Variants in ZRANB3 observed in about 807,000 individuals in gnomAD.
ZRANB3 encodes DNA annealing helicase and endonuclease ZRANB3.
ZRANB3 carries 125 observed loss-of-function variants against 133.8 expected under a neutral mutation model. The ratio of observed to expected loss-of-function variants is 0.93; its 90% CI spans 0.81 to 1.08. The LOEUF is 1.08. Among genes scored for constraint, ZRANB3 ranks in the 50% least tolerant of loss-of-function variants. The pLI is 0.00. For synonymous variants in ZRANB3, 387 were observed against 432.7 expected (o/e 0.89, Z 1.31); for missense variants, 1,229 against 1,275.5 (o/e 0.96, Z 0.56).
intron 17 of ZRANB3, among the ~76,000 whole-genome samples, chr2:135,213,208 G>A (rs559884265): frequency 3.9e-5 from 6 of 152,192 alleles, no homozygotes; most frequent in African/African-American, 1.2e-4. Context: ...CAATCTGAAA[G>A]CTGTGCAAAA....
intron 2 of ZRANB3, among the ~76,000 whole-genome samples, chr2:135,446,788 T>G (rs1463696503): frequency 1.4e-4 from 22 of 152,286 alleles, no homozygotes; most frequent in Non-Finnish European, 1.5e-4. Flanking sequence ...ATCAATAGAT[T>G]GTAGGTCCTG....
intron 2 of ZRANB3, among the ~76,000 whole-genome samples, chr2:135,481,637 A>C (rs1014413285): frequency 6.7e-6 from 1 of 149,818 alleles, no homozygotes; most frequent in Non-Finnish European, 1.5e-5. Context: ...CCATTTGTCA[A>C]TTTTGGCTTT....
chr2:135,306,683 G>A (rs991652528), intron 8 of ZRANB3, among the ~76,000 whole-genome samples: 11 of 151,514 alleles, frequency 7.3e-5, no homozygotes, highest in African/African-American at 2.7e-4. Flanking sequence ...CCGATTCCTG[G>A]GTTCAAGCAA....
rs145032146 is a variant in ZRANB3, at chr2:135,531,130, G to A, written c.-11C>T. ...GATCTGGTTGTCTTTTAAATACCTC[G>A]AGTCAGTAAAAACTCACGAAACTCC... On this transcript the variant is annotated 5_prime_UTR_variant, in exon 1 of 21. Transcript: ENST00000264159. The A allele has an allele frequency of 5.9e-5, 9 of 152,172 alleles. No individual in the cohort carries two copies. The highest frequency in any genetic ancestry group is 2.2e-4 in the African/African-American group (9 of 41,502). The allele number at this position is 152,172 out of a possible 1,614,324, so 9.4% of individuals were successfully genotyped here. A position where few individuals can be genotyped will look rare whatever the true frequency, so the allele number is the denominator to read the frequency against.
intron 1 of ZRANB3, among the ~76,000 whole-genome samples, chr2:135,518,781 T>C (rs1693801941): frequency 6.6e-6 from 1 of 152,188 alleles, no homozygotes; most frequent in Non-Finnish European, 1.5e-5. Flanking sequence ...TGGCTATAGA[T>C]GTCATATGCC....
intron 2 of ZRANB3, among the ~76,000 whole-genome samples, chr2:135,468,077 C>T (rs960316760): frequency 2.0e-5 from 3 of 152,148 alleles, no homozygotes; most frequent in African/African-American, 7.2e-5. Flanking sequence ...TTATTACCTG[C>T]TACTCACTTT....
Position 135,199,579 on chromosome 2 carries a change from C to G in ZRANB3, c.*763G>C, listed in dbSNP as rs975794932. The G allele has an allele frequency of 5.3e-5, 8 of 152,190 alleles. No individual in the cohort carries two copies. The highest frequency in any genetic ancestry group is 1.2e-4 in the Non-Finnish European group (8 of 68,090). The allele number at this position is 152,190 out of a possible 1,614,324, so 9.4% of individuals were successfully genotyped here. On this transcript the variant is annotated 3_prime_UTR_variant, in exon 21 of 21. Coordinates refer to ENST00000264159, the MANE Select transcript of ZRANB3 (RefSeq NM_032143.4). ...CCTCCCAAAGTGCTGGGATTACATG[C>G]GTGAGCCACCGCGCCCAGCCAACAG...
At chr2:135,399,052 A>C (rs1687624648) in intron 2 of ZRANB3, among the ~76,000 whole-genome samples, 1 of 152,188 alleles carries the variant, frequency 6.6e-6, no homozygotes, top group African/African-American at 2.4e-5. Flanking sequence ...AACTACGCCT[A>C]GGTTAGATGA....
At chr2:135,418,571 C>G (rs1273141776) in intron 2 of ZRANB3, among the ~76,000 whole-genome samples, 1 of 152,136 alleles carries the variant, frequency 6.6e-6, no homozygotes, top group Non-Finnish European at 1.5e-5. Flanking sequence ...AAGTTTGGAT[C>G]TGGAGCATAT....
chr2:135,306,543 C>T (rs531778750), intron 8 of ZRANB3, among the ~76,000 whole-genome samples: 66 of 150,744 alleles, frequency 4.4e-4, no homozygotes, highest in Non-Finnish European at 8.4e-4. Context: ...CCACCCGTCT[C>T]GGCCTCCCAA....
chr2:135,243,370 C>T (rs1482251873), intron 12 of ZRANB3, among the ~76,000 whole-genome samples: 2 of 152,106 alleles, frequency 1.3e-5, no homozygotes, highest in Non-Finnish European at 2.9e-5. Flanking sequence ...AAAAATTAGC[C>T]GTGCGTAGCG....
chr2:135,506,083 C>A (rs542244415), intron 1 of ZRANB3, among the ~76,000 whole-genome samples: 1 of 152,040 alleles, frequency 6.6e-6, no homozygotes, highest in Non-Finnish European at 1.5e-5. Flanking sequence ...TTGGTGTTTT[C>A]GGAAAACAGA....
chr2:135,306,429 A>G (rs1307650068), intron 8 of ZRANB3, among the ~76,000 whole-genome samples: 3 of 149,548 alleles, frequency 2.0e-5, no homozygotes, highest in Non-Finnish European at 4.4e-5. Context: ...CTGGGACTAC[A>G]GGCACCCGCC....
chr2:135,387,696 A>G (rs1244770668), intron 3 of ZRANB3, among the ~76,000 whole-genome samples: 1 of 152,222 alleles, frequency 6.6e-6, no homozygotes, highest in Non-Finnish European at 1.5e-5. Context: ...GTGAAAAGAG[A>G]GAAGTAATTA....
chr2:135,403,576 T>C lies in ZRANB3; in HGVS notation c.162-12756A>G, dbSNP rs182111929. 6.4e-4 allele frequency among the ~76,000 whole-genome samples: 97 copies of C among 152,302 alleles called. 2 individuals are homozygous for C. The Middle Eastern group carries it at 0.01, about 16-fold the overall frequency. On this transcript the variant is annotated intron_variant, in intron 2 of 20. Coordinates refer to ENST00000264159, the MANE Select transcript of ZRANB3 (RefSeq NM_032143.4). The stretch of plus-strand genomic sequence containing the variant: ...GCAGAATCCTCTGCAGACTTAAATG[T>C]TCTTGTCTGACAGCTTTGAAGAGAG...
At chr2:135,482,988 G>A (rs1273350827) in intron 2 of ZRANB3, among the ~76,000 whole-genome samples, 1 of 152,000 alleles carries the variant, frequency 6.6e-6, no homozygotes, top group African/African-American at 2.4e-5. Context: ...TGGTGGATAA[G>A]CTTTTTGATG....
intron 12 of ZRANB3, among the ~76,000 whole-genome samples, chr2:135,244,086 CTT>C (rs1008473394): frequency 3.5e-5 from 5 of 144,722 alleles, no homozygotes; most frequent in African/African-American, 1.3e-4. Context: ...TATTTAATGA[CTT>C]ATGTCTCCAT....
At chr2:135,245,684 C>A (rs933048805) in intron 12 of ZRANB3, among the ~76,000 whole-genome samples, 1 of 151,010 alleles carries the variant, frequency 6.6e-6, no homozygotes, top group Admixed American at 6.6e-5. Flanking sequence ...CCCAGCACTT[C>A]GGGAGGCTGA....
chr2:135,514,698 A>T (rs879142181), intron 1 of ZRANB3, among the ~76,000 whole-genome samples: 4 of 152,148 alleles, frequency 2.6e-5, no homozygotes, highest in African/African-American at 9.7e-5. Context: ...TGGTGAAAGA[A>T]GGCATCCTTG....
Sources: gnomAD v4.1 joint callset for allele counts (sites outside exome capture counted in the v4.1 genomes callset) on GRCh38, gnomAD v4.1.1 for gene constraint, MANE v1.5 for transcripts, NCBI Gene and HGNC (gene_info 2026-07-23, HGNC 2026-07-21) for gene names.